The following FANCC variants were observed in gnomAD, a reference collection of about 807,000 sequenced individuals.
FANCC encodes the protein FA complementation group C.
Under a neutral mutation model 71.3 loss-of-function variants are expected in FANCC, and 55 were observed. The observed-to-expected ratio is 0.77, with a 90% CI of 0.62 to 0.97. The LOEUF (loss-of-function observed/expected upper bound fraction) is 0.97, where lower values mean the gene tolerates loss of function less well. FANCC is among the 50% of genes least tolerant of loss of function. FANCC has a pLI of 0.00. For missense variants in FANCC, 678 were observed against 670.9 expected (o/e 1.01, Z -0.12); for synonymous variants, 275 against 244.9 (o/e 1.12, Z -1.15).
intron 1 of FANCC, among the ~76,000 whole-genome samples, chr9:95,308,921 T>C (rs1041254498): frequency 6.6e-6 from 1 of 152,088 alleles, no homozygotes; most frequent in African/African-American, 2.4e-5. Context: ...GGTGGGAGGA[T>C]CACTTGAGTC....
At chr9:95,165,374 T>A (rs1295111981) in intron 6 of FANCC, among the ~76,000 whole-genome samples, 1 of 151,956 alleles carries the variant, frequency 6.6e-6, no homozygotes. Context: ...TTCTTTTTTT[T>A]TCTTCCTTCA....
chr9:95,311,535 A>G (rs1233335285), intron 1 of FANCC, among the ~76,000 whole-genome samples: 1 of 152,176 alleles, frequency 6.6e-6, no homozygotes, highest in African/African-American at 2.4e-5. Context: ...TCACAGACAT[A>G]AAGTCATAGC....
chr9:95,139,679 A>G (rs944255181), intron 7 of FANCC, among the ~76,000 whole-genome samples: 2 of 151,794 alleles, frequency 1.3e-5, no homozygotes, highest in African/African-American at 2.4e-5. Context: ...TGTTTTGACA[A>G]TGAGCAGACA....
At chr9:95,114,804 G>T in intron 11 of FANCC, 94 bp from the exon 12 acceptor site, 1 of 1,051,122 alleles carries the variant, frequency 9.5e-7, no homozygotes, top group Non-Finnish European at 1.5e-6. Flanking sequence ...GTCTTTGGGA[G>T]ACGCCCTTTA....
At chr9:95,123,485 C>G (rs971845727) in intron 10 of FANCC, 3 of 464,876 alleles carry the variant, frequency 6.5e-6, no homozygotes, top group Non-Finnish European at 8.6e-6. Context: ...AATAAAAATA[C>G]AAAAATTAGT....
intron 3 of FANCC, among the ~76,000 whole-genome samples, chr9:95,241,516 TGG>T (rs1215466679): frequency 6.6e-6 from 1 of 152,094 alleles, no homozygotes; most frequent in Admixed American, 6.5e-5. Context: ...GAAACAAAAA[TGG>T]GGCCTAGAAA....
At chr9:95,219,939 A>ATT (rs1829129977) in intron 4 of FANCC, among the ~76,000 whole-genome samples, 1 of 152,178 alleles carries the variant, frequency 6.6e-6, no homozygotes, top group African/African-American at 2.4e-5. Context: ...AACCTACAGA[A>ATT]TGGGAGAAAA....
chr9:95,292,578 C>T, intron 1 of FANCC: 1 of 1,461,486 alleles, frequency 6.8e-7, no homozygotes, highest in Non-Finnish European at 9.5e-7. Context: ...GACCACATGG[C>T]CCAACATCCT....
chr9:95,145,968 AT>A (rs921226044), intron 7 of FANCC, among the ~76,000 whole-genome samples: 25 of 95,332 alleles, frequency 2.6e-4, no homozygotes, highest in Admixed American at 2.2e-4. Flanking sequence ...CTGATTCTTT[AT>A]TTTTTTTTAT....
chr9:95,208,261 C>T (rs1828270846), intron 4 of FANCC, among the ~76,000 whole-genome samples: 1 of 151,800 alleles, frequency 6.6e-6, no homozygotes. Flanking sequence ...CCACACCTGG[C>T]TAATTTTGTA....
intron 1 of FANCC, among the ~76,000 whole-genome samples, chr9:95,276,763 A>G (rs529120353): frequency 6.6e-6 from 1 of 152,236 alleles, no homozygotes; most frequent in African/African-American, 2.4e-5. Flanking sequence ...ACAAAGTTAC[A>G]GTTAGACAGG....
Position 95,192,598 on chromosome 9 carries a change from CT to C in FANCC, c.346-20452del, listed in dbSNP as rs140510860. 1.5e-3 allele frequency among the ~76,000 whole-genome samples: 229 copies of C among 152,246 alleles called. 1 individual carries two copies. The East Asian group carries it at 0.039, about 26-fold the overall frequency. ...TCAAATATGTTATTAAATATAACGT[CT>C]CTAGAAATGTCCCTTTAAAAACAGT... On this transcript the variant is annotated intron_variant, in intron 4 of 14. Transcript: ENST00000289081.
intron 1 of FANCC, chr9:95,317,298 C>T (rs1835816641): frequency 6.6e-6 from 1 of 151,412 alleles, no homozygotes; most frequent in African/African-American, 2.4e-5. Context: ...GGGCTGGCAC[C>T]GCCCGCCACC....
At chr9:95,295,834 G>C (rs984360089) in intron 1 of FANCC, among the ~76,000 whole-genome samples, 1 of 151,770 alleles carries the variant, frequency 6.6e-6, no homozygotes, top group Non-Finnish European at 1.5e-5. Context: ...GAAATTGAGA[G>C]GTGATAGTTA....
intron 9 of FANCC, among the ~76,000 whole-genome samples, chr9:95,125,630 TTTTC>T (rs1268735370): frequency 6.6e-6 from 1 of 152,216 alleles, no homozygotes; most frequent in African/African-American, 2.4e-5. Flanking sequence ...TACAATTAAT[TTTTC>T]TTTATGTTTG....
chr9:95,298,912 A>G (rs752034700), intron 1 of FANCC, among the ~76,000 whole-genome samples: 2 of 152,360 alleles, frequency 1.3e-5, no homozygotes, highest in East Asian at 3.9e-4. Flanking sequence ...CAGCACAGAC[A>G]TACAGTAACA....
intron 4 of FANCC, among the ~76,000 whole-genome samples, chr9:95,172,462 A>C (rs1825750415): frequency 6.6e-6 from 1 of 152,248 alleles, no homozygotes; most frequent in African/African-American, 2.4e-5. Flanking sequence ...TATGTTTAAC[A>C]GAGATGATAA....
At chr9:95,124,951 G>T in intron 10 of FANCC, 135 bp downstream of exon 10, 1 of 756,642 alleles carries the variant, frequency 1.3e-6, no homozygotes, top group Non-Finnish European at 2.3e-6. Context: ...CTTTGTTGGG[G>T]CACTCATTAG....
At chr9:95,291,967 A>AAAAAATATATATAT (rs1441757988) in intron 1 of FANCC, among the ~76,000 whole-genome samples, 5 of 50,426 alleles carry the variant, frequency 9.9e-5, no homozygotes, top group Non-Finnish European at 1.4e-4. Context: ...AAAAAAAAAA[A>AAAAAATATATATAT]ATATATATAT....
Sources: gnomAD v4.1 joint callset for allele counts (sites outside exome capture counted in the v4.1 genomes callset) on GRCh38, gnomAD v4.1.1 for gene constraint, MANE v1.5 for transcripts, NCBI Gene and HGNC (gene_info 2026-07-23, HGNC 2026-07-21) for gene names.